The following RBFOX3 variants were observed in gnomAD, a reference collection of about 807,000 sequenced individuals.
RBFOX3 encodes RNA binding fox-1 homolog 3.
In RBFOX3, 17 loss-of-function variants were observed where a neutral mutation model predicts 48.7. That is an observed-to-expected ratio of 0.35 (90% CI 0.24 to 0.52). The LOEUF (loss-of-function observed/expected upper bound fraction) is 0.52, where lower values mean the gene tolerates loss of function less well. RBFOX3 is among the 20% of genes least tolerant of loss of function. RBFOX3 has a pLI of 0.94. For missense variants in RBFOX3, 382 were observed against 497.5 expected (o/e 0.77, Z 2.21); for synonymous variants, 212 against 209.5 (o/e 1.01, Z -0.10).
chr17:79,508,477 ATTC>A (rs1245709065), intron 1 of RBFOX3, among the ~76,000 whole-genome samples: 10 of 152,120 alleles, frequency 6.6e-5, no homozygotes, highest in African/African-American at 2.4e-4. Flanking sequence ...CCTTGTTGTT[ATTC>A]TTCTCAGTGC....
intron 2 of RBFOX3, among the ~76,000 whole-genome samples, chr17:79,395,980 T>G (rs1106282): frequency 0.25 from 38,215 of 152,158 alleles, 5,185 homozygotes; most frequent in East Asian, 0.41. Flanking sequence ...GAGCCCCGCC[T>G]GCCACTGGTT....
At chr17:79,383,065 C>CACACACACACAA (rs944403159) in intron 2 of RBFOX3, among the ~76,000 whole-genome samples, 1 of 141,102 alleles carries the variant, frequency 7.1e-6, no homozygotes, top group African/African-American at 2.5e-5. Context: ...CACACACACA[C>CACACACACACAA]ACACACACAG....
chr17:79,122,769 C>G (rs1281729343), intron 4 of RBFOX3, among the ~76,000 whole-genome samples: 1 of 152,076 alleles, frequency 6.6e-6, no homozygotes, highest in Non-Finnish European at 1.5e-5. Flanking sequence ...TATTGCAGCA[C>G]TGTTTACAAT....
intron 2 of RBFOX3, among the ~76,000 whole-genome samples, chr17:79,397,157 C>T (rs1012518439): frequency 1.3e-5 from 2 of 152,160 alleles, no homozygotes; most frequent in East Asian, 1.9e-4. Flanking sequence ...GCCATAGCAT[C>T]ACTATTTACA....
intron 3 of RBFOX3, among the ~76,000 whole-genome samples, chr17:79,245,043 C>T (rs982049477): frequency 1.3e-5 from 2 of 149,664 alleles, no homozygotes; most frequent in East Asian, 2.0e-4. Flanking sequence ...CCCTCCCCTC[C>T]CCTTCCCTCC....
intron 2 of RBFOX3, among the ~76,000 whole-genome samples, chr17:79,437,066 CT>C (rs1201369720): frequency 6.6e-6 from 1 of 152,132 alleles, no homozygotes; most frequent in Non-Finnish European, 1.5e-5. Flanking sequence ...CCCCGATTCC[CT>C]TCTCCAACAG....
chr17:79,147,144 T>C (rs1191789291), intron 4 of RBFOX3, among the ~76,000 whole-genome samples: 1 of 152,228 alleles, frequency 6.6e-6, no homozygotes, highest in Non-Finnish European at 1.5e-5. Flanking sequence ...ATTCCAAGGC[T>C]GCTCCCTTGC....
At chr17:79,511,998 C>A (rs2084348554) in intron 1 of RBFOX3, among the ~76,000 whole-genome samples, 1 of 141,336 alleles carries the variant, frequency 7.1e-6, no homozygotes. Flanking sequence ...TCGGGTACAG[C>A]CCCATAGCCA....
chr17:79,408,531 A>G (rs1568197225), intron 2 of RBFOX3, among the ~76,000 whole-genome samples: 1 of 152,144 alleles, frequency 6.6e-6, no homozygotes, highest in East Asian at 1.9e-4. Context: ...CGACCTCCGA[A>G]CCTGCGGGTT....
intron 2 of RBFOX3, among the ~76,000 whole-genome samples, chr17:79,460,900 G>C (rs1338002897): frequency 6.6e-6 from 1 of 152,150 alleles, no homozygotes; most frequent in Non-Finnish European, 1.5e-5. Flanking sequence ...CCAGTCTGTA[G>C]TATTCTATTA....
At chr17:79,349,234 G>A (rs550675939) in intron 2 of RBFOX3, among the ~76,000 whole-genome samples, 51 of 152,038 alleles carry the variant, frequency 3.4e-4, no homozygotes, top group Non-Finnish European at 5.0e-4. Flanking sequence ...GCCCCTGCAC[G>A]TGCCTTCCAC....
intron 1 of RBFOX3, among the ~76,000 whole-genome samples, chr17:79,483,015 G>T (rs1317678529): frequency 2.0e-5 from 3 of 151,408 alleles, no homozygotes; most frequent in Non-Finnish European, 4.4e-5. Flanking sequence ...ACCACTGTCC[G>T]CACTCTCCCA....
At chr17:79,485,000 T>A (rs1241519955) in intron 1 of RBFOX3, among the ~76,000 whole-genome samples, 1 of 152,108 alleles carries the variant, frequency 6.6e-6, no homozygotes, top group Non-Finnish European at 1.5e-5. Context: ...TTGCTTTAAC[T>A]CTCAATATCA....
intron 2 of RBFOX3, among the ~76,000 whole-genome samples, chr17:79,466,387 GAGA>G (rs1416492279): frequency 6.6e-6 from 1 of 152,186 alleles, no homozygotes; most frequent in Non-Finnish European, 1.5e-5. Flanking sequence ...ACCCAGGATG[GAGA>G]AGGGCAGCAC....
At chr17:79,096,208 G>C (rs1019752189) in intron 12 of RBFOX3, among the ~76,000 whole-genome samples, 3 of 152,180 alleles carry the variant, frequency 2.0e-5, no homozygotes, top group African/African-American at 7.2e-5. Context: ...CCCCATGAAG[G>C]GGGAGAAAGG....
Position 79,280,643 on chromosome 17 carries a change from T to G in RBFOX3, c.-74+27081A>C, listed in dbSNP as rs544184609. 3.9e-5 allele frequency among the ~76,000 whole-genome samples: 6 copies of G among 152,288 alleles called. No individual in the cohort carries two copies. The South Asian group carries it at 1.2e-3, about 32-fold the overall frequency. Reference sequence around the variant, plus strand: ...GAGGGTGTTCCTTTTAGAGAGTGAATTTAGACGAAAGTCATTATGTTTTGG... The same window carrying G: ...GAGGGTGTTCCTTTTAGAGAGTGAAGTTAGACGAAAGTCATTATGTTTTGG... On this transcript the variant is annotated intron_variant, in intron 3 of 14. Coordinates refer to ENST00000693108, the MANE Select transcript of RBFOX3 (RefSeq NM_001350451.2).
At chr17:79,115,106 C>A (rs868347848) in intron 5 of RBFOX3, among the ~76,000 whole-genome samples, 4 of 152,244 alleles carry the variant, frequency 2.6e-5, no homozygotes, top group South Asian at 4.1e-4. Flanking sequence ...GCCCTCCGCC[C>A]GTCTCCTTCA....
At chr17:79,560,516 G>A (rs2092140510) in intron 1 of RBFOX3, among the ~76,000 whole-genome samples, 1 of 152,152 alleles carries the variant, frequency 6.6e-6, no homozygotes, top group African/African-American at 2.4e-5. Flanking sequence ...CAGGACGGTG[G>A]GCACCTAATG....
At chr17:79,470,413 C>A (rs1364651151) in intron 2 of RBFOX3, among the ~76,000 whole-genome samples, 3 of 152,178 alleles carry the variant, frequency 2.0e-5, no homozygotes, top group Admixed American at 6.5e-5. Context: ...TCAACAGCTC[C>A]CCCCGAGGCT....
Sources: gnomAD v4.1 joint callset for allele counts (sites outside exome capture counted in the v4.1 genomes callset) on GRCh38, gnomAD v4.1.1 for gene constraint, MANE v1.5 for transcripts, NCBI Gene and HGNC (gene_info 2026-07-23, HGNC 2026-07-21) for gene names.